The following ITFG1 variants were observed in gnomAD, a reference collection of about 807,000 sequenced individuals.
ITFG1 encodes the protein T-cell immunomodulatory protein.
Under a neutral mutation model 81.8 loss-of-function variants are expected in ITFG1, and 34 were observed. That is an observed-to-expected ratio of 0.42 (90% confidence interval 0.32 to 0.55). ITFG1 has a LOEUF of 0.55. Among genes scored for constraint, ITFG1 ranks in the 20% least tolerant of loss-of-function variants. The pLI is 0.17. For missense variants in ITFG1, 672 were observed against 755.4 expected (o/e 0.89, Z 1.29); for synonymous variants, 285 against 270.6 (o/e 1.05, Z -0.52).
At chr16:47,361,945 C>T (rs910189802) in intron 8 of ITFG1, among the ~76,000 whole-genome samples, 1 of 152,136 alleles carries the variant, frequency 6.6e-6, no homozygotes, top group African/African-American at 2.4e-5. Context: ...CACACCTGCC[C>T]TGGCTTTTTC....
intron 10 of ITFG1, among the ~76,000 whole-genome samples, chr16:47,276,292 T>A (rs1279766216): frequency 6.6e-6 from 1 of 152,064 alleles, no homozygotes; most frequent in Non-Finnish European, 1.5e-5. Context: ...TCTCATTCAA[T>A]AACAATGAAA....
chr16:47,355,678 C>T (rs1390059403), intron 8 of ITFG1, among the ~76,000 whole-genome samples: 10 of 152,070 alleles, frequency 6.6e-5, no homozygotes, highest in Non-Finnish European at 1.5e-4. Flanking sequence ...TAAAAATTTA[C>T]AAAAACCTAC....
intron 8 of ITFG1, among the ~76,000 whole-genome samples, chr16:47,364,273 T>C (rs539652487): frequency 6.6e-6 from 1 of 152,348 alleles, no homozygotes; most frequent in African/African-American, 2.4e-5. Flanking sequence ...TTTCTTAATT[T>C]GACTGTGTCT....
intron 6 of ITFG1, among the ~76,000 whole-genome samples, chr16:47,424,431 GTC>G (rs1297895467): frequency 2.2e-4 from 33 of 152,156 alleles, no homozygotes; most frequent in Middle Eastern, 3.2e-3. Context: ...GCCTACTTCT[GTC>G]AACTCATCAA....
chr16:47,283,262 G>C (rs1226241798), intron 10 of ITFG1, among the ~76,000 whole-genome samples: 1 of 152,080 alleles, frequency 6.6e-6, no homozygotes, highest in Non-Finnish European at 1.5e-5. Context: ...TTTTGTATAT[G>C]GTGAGAGACA....
intron 14 of ITFG1, among the ~76,000 whole-genome samples, chr16:47,169,468 T>C (rs1006313070): frequency 1.5e-4 from 22 of 151,490 alleles, no homozygotes; most frequent in African/African-American, 5.1e-4. Flanking sequence ...ACTGAACTAT[T>C]TTTTTTTTCT....
At chr16:47,235,228 C>G (rs1285135615) in intron 13 of ITFG1, among the ~76,000 whole-genome samples, 3 of 152,104 alleles carry the variant, frequency 2.0e-5, no homozygotes, top group African/African-American at 7.2e-5. Context: ...TTTTCCCAGG[C>G]AGGTACACTG....
At chr16:47,362,797 T>C (rs1252683254) in intron 8 of ITFG1, among the ~76,000 whole-genome samples, 1 of 152,216 alleles carries the variant, frequency 6.6e-6, no homozygotes, top group African/African-American at 2.4e-5. Context: ...GTTTCTCTTA[T>C]ATTGTGGCAG....
At chr16:47,451,572 C>A in intron 4 of ITFG1, 102 bp from the exon 5 acceptor site, 1 of 635,094 alleles carries the variant, frequency 1.6e-6, no homozygotes. Flanking sequence ...GTAGACATTA[C>A]AATGCTCGCC....
chr16:47,289,495 G>A (rs1019978828), intron 10 of ITFG1, among the ~76,000 whole-genome samples: 2 of 151,722 alleles, frequency 1.3e-5, no homozygotes. Flanking sequence ...TTCTTTAATG[G>A]GGGACATTTT....
At chr16:47,201,309 C>G (rs946616725) in intron 14 of ITFG1, among the ~76,000 whole-genome samples, 1 of 151,468 alleles carries the variant, frequency 6.6e-6, no homozygotes, top group African/African-American at 2.4e-5. Context: ...CCCGGGCTCA[C>G]GCATTTCTCC....
At chr16:47,371,481 T>C (rs1968253033) in intron 7 of ITFG1, among the ~76,000 whole-genome samples, 1 of 152,162 alleles carries the variant, frequency 6.6e-6, no homozygotes, top group Non-Finnish European at 1.5e-5. Flanking sequence ...TCTGCCATTT[T>C]CTACTTGAAT....
chr16:47,247,934 G>A (rs1377109695), intron 12 of ITFG1, among the ~76,000 whole-genome samples: 1 of 152,098 alleles, frequency 6.6e-6, no homozygotes, highest in Non-Finnish European at 1.5e-5. Flanking sequence ...GATCATGGAT[G>A]ATGCATCCTC....
At chr16:47,371,944 C>T (rs1327061842) in intron 7 of ITFG1, among the ~76,000 whole-genome samples, 8 of 150,196 alleles carry the variant, frequency 5.3e-5, no homozygotes, top group South Asian at 2.1e-4. Flanking sequence ...GACAGAGTCT[C>T]GCTCTTTCAC....
rs1277683014 is a variant in ITFG1 at position 47,426,642 on chromosome 16, A to C, written c.655+2162T>G. On this transcript the variant is annotated intron_variant, in intron 6 of 17. Transcript: ENST00000320640. ...AGAATCTTAGATTCATAAAAAATTT[A>C]CTAGATAAAAGGTTAAATTTGTGGT... Among the ~76,000 whole-genome samples, 6 of 151,834 alleles carry C rather than the reference A, an allele frequency of 4.0e-5. No homozygotes were observed. In the East Asian group the frequency reaches 1.2e-3, roughly 29 times the overall value.
At chr16:47,229,166 A>G (rs1965788429) in intron 13 of ITFG1, among the ~76,000 whole-genome samples, 2 of 152,152 alleles carry the variant, frequency 1.3e-5, no homozygotes, top group African/African-American at 2.4e-5. Flanking sequence ...CCCACTTTAA[A>G]CTATAATAAG....
chr16:47,259,646 C>T (rs1966182199), intron 11 of ITFG1, among the ~76,000 whole-genome samples: 1 of 152,134 alleles, frequency 6.6e-6, no homozygotes, highest in African/African-American at 2.4e-5. Flanking sequence ...GGGCACTTAA[C>T]TTTTAAAAAT....
chr16:47,224,704 G>GA lies in ITFG1; in HGVS notation c.1375-5759dup, dbSNP rs199516181. On this transcript the variant is annotated intron_variant, in intron 13 of 17. Coordinates refer to ENST00000320640, the MANE Select transcript of ITFG1 (RefSeq NM_030790.5). Reference sequence around the variant, plus strand: ...GAAACAGTATGGCTCATACGTCGGGGAAAAAAAAACCAGTCAAAATAAACT... The same window carrying GA: ...GAAACAGTATGGCTCATACGTCGGGGAAAAAAAAAACCAGTCAAAATAAACT... Among the ~76,000 whole-genome samples the GA allele has an allele frequency of 3.0e-4, 45 of 150,792 alleles. No homozygotes were observed. The East Asian group carries it at 3.9e-3, about 13-fold the overall frequency.
At chr16:47,255,364 T>C (rs568869419) in intron 12 of ITFG1, among the ~76,000 whole-genome samples, 1 of 152,236 alleles carries the variant, frequency 6.6e-6, no homozygotes, top group South Asian at 2.1e-4. Flanking sequence ...TTACGTAAAT[T>C]AGAGTTTCTA....
Sources: allele counts gnomAD v4.1 joint callset (sites outside exome capture counted in the v4.1 genomes callset), GRCh38; gene constraint gnomAD v4.1.1; transcripts MANE v1.5; gene names NCBI Gene and HGNC (gene_info 2026-07-23, HGNC 2026-07-21).